Variants in TLL2 observed in about 807,000 individuals in gnomAD.
TLL2 encodes tolloid like 2, also known as tolloid-like protein 2.
Under a neutral mutation model 123.0 loss-of-function variants are expected in TLL2, and 106 were observed. The ratio of observed to expected loss-of-function variants is 0.86; its 90% CI spans 0.74 to 1.01. The LOEUF is 1.01. Ranked by LOEUF, TLL2 falls within the 50% of genes least tolerant of loss-of-function variation. The pLI is 0.00. For synonymous variants in TLL2, 494 were observed against 516.8 expected (o/e 0.96, Z 0.60); for missense variants, 1,332 against 1,336.7 (o/e 1.00, Z 0.06).
chr10:96,500,940 T>C (rs991664160), intron 1 of TLL2, among the ~76,000 whole-genome samples: 2 of 152,228 alleles, frequency 1.3e-5, no homozygotes, highest in African/African-American at 4.8e-5. Context: ...AGAATGTTTA[T>C]TACATAAGCA....
intron 1 of TLL2, among the ~76,000 whole-genome samples, chr10:96,496,504 G>C (rs924235662): frequency 6.6e-6 from 1 of 152,214 alleles, no homozygotes; most frequent in Non-Finnish European, 1.5e-5. Context: ...CCTGCCCTCT[G>C]CCTTGGCTGG....
intron 4 of TLL2, among the ~76,000 whole-genome samples, chr10:96,432,351 G>A (rs546007690): frequency 4.6e-5 from 7 of 152,116 alleles, no homozygotes; most frequent in South Asian, 2.1e-4. Context: ...TGGACCCAGG[G>A]AGTCGAGCCA....
intron 1 of TLL2, among the ~76,000 whole-genome samples, chr10:96,503,016 C>T (rs542891629): frequency 3.9e-5 from 6 of 152,218 alleles, no homozygotes; most frequent in East Asian, 3.9e-4. Flanking sequence ...GTTCCTGTTG[C>T]TATGTTTGCA....
chr10:96,426,365 TTCTC>T (rs1344244593), intron 5 of TLL2, among the ~76,000 whole-genome samples: 2 of 152,278 alleles, frequency 1.3e-5, no homozygotes, highest in African/African-American at 4.8e-5. Context: ...TTTCCTTTCT[TTCTC>T]TATTTATTTG....
chr10:96,505,875 G>A (rs1847573035), intron 1 of TLL2, among the ~76,000 whole-genome samples: 1 of 152,184 alleles, frequency 6.6e-6, no homozygotes, highest in African/African-American at 2.4e-5. Flanking sequence ...CTGTTAATCA[G>A]AGTTTCTATT....
Position 96,446,133 on chromosome 10 carries a change from C to T in TLL2, c.322G>A (p.Asp108Asn). 1.2e-6 allele frequency: 2 copies of T among 1,614,150 alleles called. No homozygotes were observed. The highest frequency in any genetic ancestry group is 1.7e-6 in the Non-Finnish European group (2 of 1,180,024). The change falls in exon 3 of 21, where the codon GAC becomes AAC. Residue 108 changes from aspartate to asparagine, a missense_variant. By Grantham distance (23) the Asp-to-Asn change is conservative (BLOSUM62 1). Transcript: ENST00000357947. ...GTGCCAGTGTCCATGGCTGTGGTGT[C>T]TGGGCTGCTCTCAGATGCCTGCTCT... ...LEEQASESSP[D>N]TTAMDTGTKE...
At chr10:96,379,179 C>G in intron 16 of TLL2, 87 bp from the exon 17 acceptor site, 3 of 1,527,604 alleles carry the variant, frequency 2.0e-6, no homozygotes. Flanking sequence ...AAGTGGCCTC[C>G]TCTGGGAAGC....
At chr10:96,482,777 G>T (rs557100358) in intron 1 of TLL2, among the ~76,000 whole-genome samples, 11 of 152,064 alleles carry the variant, frequency 7.2e-5, no homozygotes, top group Admixed American at 7.2e-4. Flanking sequence ...TACTAAAATC[G>T]CATGTACACT....
chr10:96,420,773 A>G (rs1046319728), intron 7 of TLL2, among the ~76,000 whole-genome samples, 183 bp downstream of exon 7: 10 of 152,166 alleles, frequency 6.6e-5, no homozygotes, highest in African/African-American at 2.2e-4. Flanking sequence ...ATTCAATCTT[A>G]TTAACGGGAA....
At chr10:96,449,040 A>G (rs571152326) in intron 2 of TLL2, among the ~76,000 whole-genome samples, 5 of 152,316 alleles carry the variant, frequency 3.3e-5, no homozygotes, top group South Asian at 4.1e-4. Context: ...GGGGGAAAGA[A>G]TTAGTGTTTA....
intron 2 of TLL2, among the ~76,000 whole-genome samples, chr10:96,449,624 C>T (rs544446016): frequency 1.3e-5 from 2 of 152,206 alleles, no homozygotes; most frequent in Non-Finnish European, 2.9e-5. Flanking sequence ...ATGGCTCCCC[C>T]CTGCCCTTGG....
At position 96,376,227 on chromosome 10, in the gene TLL2, G is replaced by A. The variant is rs568981091; in HGVS notation, c.2448+465C>T. On this transcript the variant is annotated intron_variant, in intron 18 of 20. Coordinates refer to ENST00000357947, the MANE Select transcript of TLL2 (RefSeq NM_012465.4). ...TCCCTGTGCACTGACAGTCATGATT[G>A]TGCACAGAAAATTTCTAGAAGGATC... is the stretch of plus-strand genomic sequence containing the variant. 2.6e-5 allele frequency among the ~76,000 whole-genome samples: 4 copies of A among 152,348 alleles called. No homozygotes were observed. The South Asian group carries it at 8.3e-4, about 32-fold the overall frequency.
At chr10:96,470,246 C>G (rs1363002761) in intron 2 of TLL2, among the ~76,000 whole-genome samples, 1 of 152,240 alleles carries the variant, frequency 6.6e-6, no homozygotes, top group Non-Finnish European at 1.5e-5. Context: ...TGCTGGTACC[C>G]ATCCCCAGCC....
intron 16 of TLL2, among the ~76,000 whole-genome samples, chr10:96,381,132 G>A (rs192512773): frequency 6.6e-6 from 1 of 152,184 alleles, no homozygotes; most frequent in African/African-American, 2.4e-5. Flanking sequence ...GTTTCCTATT[G>A]CAAATGTGGA....
At chr10:96,401,906 C>T (rs937737514) in intron 10 of TLL2, among the ~76,000 whole-genome samples, 2 of 152,166 alleles carry the variant, frequency 1.3e-5, no homozygotes, top group African/African-American at 2.4e-5. Flanking sequence ...TTCGGATAAA[C>T]AACAAATAAT....
chr10:96,508,478 G>A (rs942251425), intron 1 of TLL2, among the ~76,000 whole-genome samples: 5 of 152,186 alleles, frequency 3.3e-5, no homozygotes, highest in Admixed American at 2.6e-4. Flanking sequence ...TAAGACAAGA[G>A]GGACCACCAG....
At chr10:96,420,325 T>A (rs1306988160) in intron 7 of TLL2, among the ~76,000 whole-genome samples, 3 of 152,250 alleles carry the variant, frequency 2.0e-5, no homozygotes, top group African/African-American at 7.2e-5. Flanking sequence ...TAATGTCTGC[T>A]AGGCGCAGCA....
chr10:96,397,425 A>G, intron 10 of TLL2, 123 bp from the exon 11 acceptor site: 1 of 628,714 alleles, frequency 1.6e-6, no homozygotes, highest in Non-Finnish European at 2.8e-6. Flanking sequence ...CCTGGCTGGG[A>G]CAACTTATCC....
At chr10:96,476,202 G>A (rs1431568795) in intron 2 of TLL2, among the ~76,000 whole-genome samples, 3 of 97,194 alleles carry the variant, frequency 3.1e-5, no homozygotes, top group East Asian at 3.7e-4. Flanking sequence ...TAAAGGTGTG[G>A]TTCCTTTTTA....
Sources: gnomAD v4.1 joint callset for allele counts (sites outside exome capture counted in the v4.1 genomes callset) on GRCh38, gnomAD v4.1.1 for gene constraint, MANE v1.5 for transcripts, NCBI Gene and HGNC (gene_info 2026-07-23, HGNC 2026-07-21) for gene names.